The following ANKRD33B variants were observed in gnomAD, a reference collection of about 807,000 sequenced individuals.
ANKRD33B encodes the protein ankyrin repeat domain 33B.
ANKRD33B carries 6 observed loss-of-function variants against 21.5 expected under a neutral mutation model. That is an observed-to-expected ratio of 0.28 (90% CI 0.15 to 0.55). The LOEUF is 0.55. Among genes scored for constraint, ANKRD33B ranks in the 20% least tolerant of loss-of-function variants. The pLI is 0.94. For missense variants in ANKRD33B, 698 were observed against 747.2 expected (o/e 0.93, Z 0.77); for synonymous variants, 347 against 342.4 (o/e 1.01, Z -0.15).
rs1029871164 is a variant in ANKRD33B, at chr5:10,564,135, A to C, written c.-333A>C. Among the ~76,000 whole-genome samples, 1 of 152,036 alleles carries C rather than the reference A, an allele frequency of 6.6e-6. No homozygotes were observed. The highest frequency in any genetic ancestry group is 2.4e-5 in the African/African-American group (1 of 41,430). ...TCTGGGGCAACGCTGCCAGGTGCCC[A>C]GTCCCCGCGCTCGAGAGAGCGCCTG... is the stretch of plus-strand genomic sequence containing the variant. On this transcript the variant is annotated 5_prime_UTR_variant, in exon 1 of 4. Transcript: ENST00000296657.
At chr5:10,640,884 T>G (rs954611552) in intron 3 of ANKRD33B, among the ~76,000 whole-genome samples, 3 of 152,224 alleles carry the variant, frequency 2.0e-5, no homozygotes, top group Non-Finnish European at 4.4e-5. Flanking sequence ...TCTTACTGTC[T>G]CCTCTCATGG....
chr5:10,633,989 A>G (rs1259750861), intron 2 of ANKRD33B, among the ~76,000 whole-genome samples: 1 of 152,188 alleles, frequency 6.6e-6, no homozygotes, highest in East Asian at 1.9e-4. Context: ...GGAGGGGGGA[A>G]CACGTTCTAG....
At chr5:10,592,655 G>C (rs1350401877) in intron 1 of ANKRD33B, among the ~76,000 whole-genome samples, 2 of 151,158 alleles carry the variant, frequency 1.3e-5, no homozygotes, top group African/African-American at 4.9e-5. Flanking sequence ...AAAAAGAAAA[G>C]AAAATAGAAT....
chr5:10,629,777 G>A (rs1174462347), intron 2 of ANKRD33B, among the ~76,000 whole-genome samples: 2 of 152,316 alleles, frequency 1.3e-5, no homozygotes, highest in East Asian at 3.9e-4. Flanking sequence ...AGAATGTTGA[G>A]AGGGCGGAAA....
In ANKRD33B at chr5:10,564,581, A is replaced by T; in HGVS notation, c.114A>T (p.Glu38Asp). The change falls in exon 1 of 4, where the codon GAA becomes GAT. Residue 38 changes from glutamate to aspartate, a missense_variant. Around this residue, in one of 3 missense-constraint regions of ANKRD33B, gnomAD observed 148 missense variants for 154.9 expected, o/e 0.96. Transcript: ENST00000296657. Reference protein sequence around the residue: ...AQVEEDPADYEEFEDFSSLPD... With the variant: ...AQVEEDPADYDEFEDFSSLPD... ...TCGAGGAGGACCCCGCTGACTACGA[A>T]GAGTTTGAGGACTTCTCGAGTCTGC... is the stretch of plus-strand genomic sequence containing the variant. 1 of 1,534,492 alleles carries T rather than the reference A, an allele frequency of 6.5e-7. No homozygotes were observed. Among genetic ancestry groups the T allele is most frequent in the South Asian group, 1.2e-5 (1 of 83,982 alleles).
chr5:10,611,509 T>G (rs558723607), intron 1 of ANKRD33B, among the ~76,000 whole-genome samples: 2 of 152,268 alleles, frequency 1.3e-5, no homozygotes, highest in East Asian at 3.9e-4. Flanking sequence ...ATGGGATTCT[T>G]TATTATGAGC....
intron 1 of ANKRD33B, among the ~76,000 whole-genome samples, chr5:10,610,521 A>G (rs1736147468): frequency 6.6e-6 from 1 of 152,162 alleles, no homozygotes; most frequent in African/African-American, 2.4e-5. Context: ...GATACAGATC[A>G]AGGTTTTAAT....
intron 1 of ANKRD33B, among the ~76,000 whole-genome samples, chr5:10,587,046 G>A (rs977305061): frequency 2.0e-5 from 3 of 151,846 alleles, no homozygotes; most frequent in African/African-American, 4.8e-5. Flanking sequence ...ATGGAGTCTC[G>A]CTCTGTCGCC....
Position 10,576,911 on chromosome 5 carries a change from G to A in ANKRD33B, c.366+12078G>A, listed in dbSNP as rs141325680. On this transcript the variant is annotated intron_variant, in intron 1 of 3. Coordinates refer to ENST00000296657, the MANE Select transcript of ANKRD33B (RefSeq NM_001164440.2). This position sits in a 1 kb window ranked among gnomAD's most constrained non-coding sequence, Gnocchi z 4.1. ...TTCTGGTGCATCCTGTGGGCACCTCGGATGACGCGAGGGTGGAGCCTGAAA... is the reference window on the plus strand; with the variant it reads ...TTCTGGTGCATCCTGTGGGCACCTCAGATGACGCGAGGGTGGAGCCTGAAA... 2.1e-3 allele frequency among the ~76,000 whole-genome samples: 323 copies of A among 152,306 alleles called. No individual in the cohort carries two copies. Among genetic ancestry groups the A allele is most frequent in the Non-Finnish European group, 2.5e-3 (171 of 68,020 alleles).
rs111344816 is a variant in ANKRD33B at position 10,571,867 on chromosome 5, A to G, written c.366+7034A>G. 6.4e-3 allele frequency among the ~76,000 whole-genome samples: 965 copies of G among 150,118 alleles called. 17 individuals carry two copies. The highest frequency in any genetic ancestry group is 0.022 in the African/African-American group (920 of 40,914). ...AATTAAGTGAGAATCTGAGGGTAAG[A>G]TAAGGCATCCGTATTTTCTTTTTTC... On this transcript the variant is annotated intron_variant, in intron 1 of 3. Coordinates refer to ENST00000296657, the MANE Select transcript of ANKRD33B (RefSeq NM_001164440.2).
chr5:10,584,748 AC>A (rs1452494438), intron 1 of ANKRD33B, among the ~76,000 whole-genome samples: 2 of 152,190 alleles, frequency 1.3e-5, no homozygotes, highest in East Asian at 3.8e-4. Flanking sequence ...AGTGGAGCTT[AC>A]GTGATTTTGG....
intron 2 of ANKRD33B, among the ~76,000 whole-genome samples, chr5:10,621,645 T>C (rs1335628204): frequency 6.6e-6 from 1 of 152,230 alleles, no homozygotes; most frequent in Non-Finnish European, 1.5e-5. Context: ...TTAAGGCCAG[T>C]TCAAAGGAAA....
At chr5:10,605,574 G>C (rs1736030195) in intron 1 of ANKRD33B, among the ~76,000 whole-genome samples, 1 of 151,598 alleles carries the variant, frequency 6.6e-6, no homozygotes, top group Non-Finnish European at 1.5e-5. Flanking sequence ...TGTTGCCCAG[G>C]CTGGAGTGCA....
At chr5:10,594,305 C>T (rs1390699478) in intron 1 of ANKRD33B, among the ~76,000 whole-genome samples, 1 of 148,982 alleles carries the variant, frequency 6.7e-6, no homozygotes, top group Non-Finnish European at 1.5e-5. Flanking sequence ...ACAACCTCCG[C>T]TTGCCGGGTT....
intron 1 of ANKRD33B, among the ~76,000 whole-genome samples, chr5:10,597,772 T>C (rs560926945): frequency 5.3e-5 from 8 of 152,314 alleles, no homozygotes; most frequent in African/African-American, 1.7e-4. Flanking sequence ...CTAAAGTTGC[T>C]CACATAATCA....
chr5:10,619,294 A>G lies in ANKRD33B; in HGVS notation c.496+832A>G. On this transcript the variant is annotated intron_variant, in intron 2 of 3. Transcript: ENST00000296657. This position sits in a 1 kb window ranked among gnomAD's most constrained non-coding sequence, Gnocchi z 4.5. ...AGAACAGGCGCTTGTGTGTTGAAGG[A>G]AGGAGGGGAAGCTTACACGGTTGTC... 1 of 985,384 alleles carries G rather than the reference A, an allele frequency of 1.0e-6. No homozygotes were observed. Among genetic ancestry groups the G allele is most frequent in the Non-Finnish European group, 1.2e-6 (1 of 829,912 alleles). The allele number at this position is 985,384 out of a possible 1,614,324, so 61.0% of individuals were successfully genotyped here. A position where few individuals can be genotyped will look rare whatever the true frequency, so the allele number is the denominator to read the frequency against.
intron 3 of ANKRD33B, among the ~76,000 whole-genome samples, chr5:10,642,134 A>C (rs886796142): frequency 6.6e-6 from 1 of 152,156 alleles, no homozygotes; most frequent in Admixed American, 6.5e-5. Context: ...TTTTTAGGTC[A>C]GTTGCCCTCT....
chr5:10,649,180 A>G lies in ANKRD33B; in HGVS notation c.638-86A>G, dbSNP rs151084183. ...GGGGCCAGGGGTGGGGGGTGGGGGC[A>G]GTTTTGCCTTTGCCCCAGGCTCTGC... On this transcript the variant is annotated intron_variant, in intron 3 of 3. Coordinates refer to ENST00000296657, the MANE Select transcript of ANKRD33B (RefSeq NM_001164440.2). 3.2e-3 allele frequency: 4,636 copies of G among 1,448,388 alleles called. 129 individuals are homozygous for G. In the African/African-American group the frequency reaches 0.058, roughly 18 times the overall value. 89.7% of individuals were successfully genotyped at this position (1,448,388 alleles called of 1,614,324 possible). A position where few individuals can be genotyped will look rare whatever the true frequency, so the allele number is the denominator to read the frequency against.
At chr5:10,608,215 G>T in intron 1 of ANKRD33B, among the ~76,000 whole-genome samples, 1 of 141,526 alleles carries the variant, frequency 7.1e-6, no homozygotes, top group African/African-American at 2.5e-5. Context: ...AAAAAAAAAT[G>T]GGCGTGGTGG....
Sources: gnomAD v4.1 joint callset for allele counts (sites outside exome capture counted in the v4.1 genomes callset) on GRCh38, gnomAD v4.1.1 for gene constraint, gnomAD v4.1.1 regional missense constraint, Gnocchi (gnomAD v3.1) non-coding constraint, MANE v1.5 for transcripts, NCBI Gene and HGNC (gene_info 2026-07-23, HGNC 2026-07-21) for gene names.